SFSWAP: variants seen among roughly 807,000 people sequenced by gnomAD.
The protein encoded by SFSWAP is splicing factor SWAP, also known as splicing factor, suppressor of white-apricot homolog.
A neutral mutation model predicts 100.7 loss-of-function variants in SFSWAP; 17 were observed. The ratio of observed to expected loss-of-function variants is 0.17; its 90% CI spans 0.12 to 0.25. SFSWAP has a LOEUF of 0.25. Among genes scored for constraint, SFSWAP ranks in the 10% least tolerant of loss-of-function variants. The probability of loss-of-function intolerance (pLI) is 1.00; values close to 1 mark genes in which losing one functional copy is unlikely to be tolerated. For synonymous variants in SFSWAP, 504 were observed against 510.1 expected, an observed-to-expected ratio of 0.99 and a Z score of 0.16; for missense variants, 1,005 against 1,262.6, an observed-to-expected ratio of 0.80 and a Z score of 3.09.
intron 3 of SFSWAP, among the ~76,000 whole-genome samples, chr12:131,717,912 A>C (rs1878080501): frequency 2.0e-5 from 3 of 151,990 alleles, no homozygotes; most frequent in African/African-American, 7.3e-5. Context: ...TCTATTTTTA[A>C]TGGAGACAGG....
chr12:131,764,574 C>T lies in SFSWAP; in HGVS notation c.1839C>T (p.Gly613=). 6.2e-7 allele frequency: 1 copy of T among 1,614,164 alleles called. No individual in the cohort carries two copies. Among genetic ancestry groups the T allele is most frequent in the East Asian group, 2.2e-5 (1 of 44,888 alleles). Residue 613 remains glycine, a synonymous_variant, in exon 12 of 18, where the codon GGC becomes GGT. Transcript: ENST00000261674. The stretch of plus-strand genomic sequence containing the variant: ...ATGATGATGAAGAAAGCAAAGAAGG[C>T]CAAGAAAGTTCTAGTAGTGCTGCAA... ...DSDDDEESKE[G]QESSSSAANT...
chr12:131,741,272 T>C (rs1880600086), intron 7 of SFSWAP, among the ~76,000 whole-genome samples: 1 of 152,212 alleles, frequency 6.6e-6, no homozygotes, highest in South Asian at 2.1e-4. Flanking sequence ...AGCCTAGGGT[T>C]TTAATTTCAT....
chr12:131,784,526 A>G (rs901901869), intron 14 of SFSWAP: 4 of 152,054 alleles, frequency 2.6e-5, no homozygotes, highest in Non-Finnish European at 2.9e-5. Context: ...GCAAACCATT[A>G]TGCTTTTTTG....
In SFSWAP at chr12:131,766,273, G is replaced by A; in HGVS notation, c.2107G>A (p.Ala703Thr). The A allele has an allele frequency of 6.2e-7, 1 of 1,614,180 alleles. No individual in the cohort carries two copies. The highest frequency in any genetic ancestry group is 1.1e-5 in the South Asian group (1 of 91,084). Reference protein sequence around the residue: ...TLKNPLPEAEAGKIEESPFSV... With the variant: ...TLKNPLPEAETGKIEESPFSV... ...CAAAAATCCTCTGCCGGAAGCAGAA[G>A]CTGGGAAAATTGAGGAGAGTCCTTT... is the stretch of plus-strand genomic sequence containing the variant. The change falls in exon 13 of 18, where the codon GCT becomes ACT. Residue 703 changes from alanine (A) to threonine (T), a missense_variant. Physicochemically the swap from Ala to Thr is moderately conservative, Grantham distance 58 (BLOSUM62 0). This residue lies in a region of SFSWAP where 295 missense variants were observed against 347.9 expected (regional missense o/e 0.85). Coordinates refer to ENST00000261674, the MANE Select transcript of SFSWAP (RefSeq NM_004592.4).
At chr12:131,762,709 C>G (rs4964993) in intron 11 of SFSWAP, among the ~76,000 whole-genome samples, 7,720 of 152,118 alleles carry the variant, frequency 0.051, 297 homozygotes, top group South Asian at 0.22. Context: ...CAAGTGATTC[C>G]CCTGTCTCAG....
chr12:131,795,618 C>G (rs1566064322), intron 15 of SFSWAP, among the ~76,000 whole-genome samples: 1 of 151,926 alleles, frequency 6.6e-6, no homozygotes, highest in Non-Finnish European at 1.5e-5. Context: ...TGCATGAAGT[C>G]CGGAGGCCCT....
chr12:131,742,899 G>A (rs1880784158), intron 7 of SFSWAP, among the ~76,000 whole-genome samples: 1 of 152,098 alleles, frequency 6.6e-6, no homozygotes, highest in Non-Finnish European at 1.5e-5. Context: ...GGCTGGGGAG[G>A]CCTCACAATC....
At chr12:131,780,515 C>T (rs575998877) in intron 14 of SFSWAP, among the ~76,000 whole-genome samples, 5 of 152,120 alleles carry the variant, frequency 3.3e-5, no homozygotes, top group South Asian at 4.2e-4. Context: ...ATTAGCCAGG[C>T]ATGGCAGTGG....
chr12:131,742,387 G>A (rs968913705), intron 7 of SFSWAP, among the ~76,000 whole-genome samples: 1 of 152,052 alleles, frequency 6.6e-6, no homozygotes, highest in African/African-American at 2.4e-5. Context: ...GGTCACTGAT[G>A]AAAATGGTAA....
At chr12:131,799,367 C>T (rs1885908358) in intron 17 of SFSWAP, 56 bp from the exon 18 acceptor site, 9 of 1,546,382 alleles carry the variant, frequency 5.8e-6, no homozygotes, top group East Asian at 2.2e-5. Context: ...TTCTTCACCA[C>T]GTGGGTTGTC....
Position 131,754,376 on chromosome 12 carries a change from C to A in SFSWAP, c.1331C>A (p.Ala444Asp). The change falls in exon 9 of 18, where the codon GCC (alanine) becomes GAC (aspartate). Residue 444 changes from alanine (A) to aspartate (D), a missense_variant. Transcript: ENST00000261674. ...TSTTTTTSAL[A>D]PVAAIIPPPP... Reference sequence around the variant, plus strand: ...AGACTCTTCTCCTGCAGTGCACTTGCCCCCGTGGCCGCCATCATCCCCCCG... The same window carrying A: ...AGACTCTTCTCCTGCAGTGCACTTGACCCCGTGGCCGCCATCATCCCCCCG... The A allele has an allele frequency of 6.4e-7, 1 of 1,564,788 alleles. No homozygotes were observed. The highest frequency in any genetic ancestry group is 1.2e-5 in the South Asian group (1 of 83,826).
Position 131,730,469 on chromosome 12 carries a change from G to A in SFSWAP, c.1081+2041G>A, listed in dbSNP as rs911504481. On this transcript the variant is annotated intron_variant, in intron 7 of 17. Transcript: ENST00000261674. This position sits in a 1 kb window ranked among gnomAD's most constrained non-coding sequence, Gnocchi z 4.0. Reference sequence around the variant, plus strand: ...GGAAGAACAGCCATGTGCAGACCCCGCAGGACCAGGCAGGATGGTGGAGCC... The same window carrying A: ...GGAAGAACAGCCATGTGCAGACCCCACAGGACCAGGCAGGATGGTGGAGCC... Among the ~76,000 whole-genome samples, 4 of 152,218 alleles carry A rather than the reference G, an allele frequency of 2.6e-5. No individual in the cohort carries two copies. The highest frequency in any genetic ancestry group is 5.9e-5 in the Non-Finnish European group (4 of 68,046).
At position 131,764,459 on chromosome 12, in the gene SFSWAP, C is replaced by T. The variant is rs749944373; in HGVS notation, c.1724C>T (p.Ser575Phe). The change falls in exon 12 of 18, where the codon TCC becomes TTC. Residue 575 changes from serine to phenylalanine, a missense_variant. By Grantham distance (155) the Ser-to-Phe change is radical. Transcript: ENST00000261674. ...TVPDGKLVKA[S>F]FAPISFAIKA... ...AATTCTCACCTTTCCTCAATAGCTT[C>T]CTTTGCTCCAATAAGCTTTGCAATC... The T allele has an allele frequency of 5.6e-6, 9 of 1,613,116 alleles. No homozygotes were observed. In the South Asian group the frequency reaches 9.9e-5, roughly 18 times the overall value.
chr12:131,751,617 A>C (rs1881643259), intron 7 of SFSWAP, among the ~76,000 whole-genome samples: 1 of 152,246 alleles, frequency 6.6e-6, no homozygotes, highest in Admixed American at 6.5e-5. Flanking sequence ...TCCAGGGATG[A>C]CGTTGTCTCT....
At chr12:131,786,664 G>T in intron 15 of SFSWAP, 76 bp downstream of exon 15, 1 of 1,477,690 alleles carries the variant, frequency 6.8e-7, no homozygotes, top group South Asian at 1.3e-5. Context: ...CTGAAGGTCG[G>T]GTATCTGTGA....
rs1466481010 is a variant in SFSWAP, at chr12:131,730,151, A to G, written c.1081+1723A>G. Among the ~76,000 whole-genome samples, 1 of 152,140 alleles carries G rather than the reference A, an allele frequency of 6.6e-6. No individual in the cohort carries two copies. Among genetic ancestry groups the G allele is most frequent in the Admixed American group, 6.5e-5 (1 of 15,286 alleles). ...AGATCACTCCTAACGCCCAGTCCTC[A>G]CTGCATGGATTTTTGGATAGACGGC... On this transcript the variant is annotated intron_variant, in intron 7 of 17. Transcript: ENST00000261674. This position sits in a 1 kb window ranked among gnomAD's most constrained non-coding sequence, Gnocchi z 4.0.
rs899257605 is a variant in SFSWAP, at chr12:131,733,870, A to T, written c.1081+5442A>T. 2.6e-5 allele frequency among the ~76,000 whole-genome samples: 4 copies of T among 152,038 alleles called. No homozygotes were observed. The highest frequency in any genetic ancestry group is 6.5e-5 in the Admixed American group (1 of 15,272). On this transcript the variant is annotated intron_variant, in intron 7 of 17. Transcript: ENST00000261674. This position sits in a 1 kb window ranked among gnomAD's most constrained non-coding sequence, Gnocchi z 5.1. The stretch of plus-strand genomic sequence containing the variant: ...GCACCTGCCCCTCCACTCCCCATGC[A>T]GCTTCATCCTCCAGGGCGTGGTCTC...
intron 15 of SFSWAP, among the ~76,000 whole-genome samples, chr12:131,792,199 G>A (rs569084255): frequency 2.1e-4 from 29 of 138,776 alleles, no homozygotes; most frequent in Middle Eastern, 4.5e-3. Context: ...CTGTGTGTGC[G>A]CCCGTGTGTG....
Position 131,725,040 on chromosome 12 carries a change from T to A in SFSWAP, c.607-365T>A, listed in dbSNP as rs536876283. 1.2e-4 allele frequency among the ~76,000 whole-genome samples: 18 copies of A among 152,264 alleles called. No individual in the cohort carries two copies. The highest frequency in any genetic ancestry group is 7.7e-4 in the East Asian group (4 of 5,182). ...ATTGAGAACCATGGAATGTATACCC[T>A]CTCCCTAGAAAAGTGCTTGTTTGTA... is the stretch of plus-strand genomic sequence containing the variant. On this transcript the variant is annotated intron_variant, in intron 4 of 17. Coordinates refer to ENST00000261674, the MANE Select transcript of SFSWAP (RefSeq NM_004592.4). The surrounding 1 kb of genome is among the most constrained non-coding windows in gnomAD (Gnocchi z 4.3).
Sources: gnomAD v4.1 joint callset for allele counts (sites outside exome capture counted in the v4.1 genomes callset) on GRCh38, gnomAD v4.1.1 for gene constraint, gnomAD v4.1.1 regional missense constraint, Gnocchi (gnomAD v3.1) non-coding constraint, MANE v1.5 for transcripts, NCBI Gene and HGNC (gene_info 2026-07-23, HGNC 2026-07-21) for gene names.